Variants in KCNH5 observed in about 807,000 individuals in gnomAD.
KCNH5 encodes the protein voltage-gated delayed rectifier potassium channel KCNH5.
In KCNH5, 46 loss-of-function variants were observed where a neutral mutation model predicts 96.1. That is an observed-to-expected ratio of 0.48 (90% confidence interval 0.38 to 0.61). The LOEUF is 0.61. KCNH5 is among the 20% of genes least tolerant of loss of function. KCNH5 has a pLI of 0.00. For missense variants in KCNH5, 907 were observed against 1,225.8 expected (o/e 0.74, Z 3.88); for synonymous variants, 439 against 449.8 (o/e 0.98, Z 0.30).
chr14:62,713,202 A>G (rs1019092306), intron 10 of KCNH5, among the ~76,000 whole-genome samples: 1 of 152,218 alleles, frequency 6.6e-6, no homozygotes, highest in African/African-American at 2.4e-5. Flanking sequence ...AGGAATGGAA[A>G]ATGTTACAAA....
chr14:62,919,298 A>C (rs939276566), intron 7 of KCNH5, among the ~76,000 whole-genome samples: 33 of 152,148 alleles, frequency 2.2e-4, no homozygotes, highest in African/African-American at 7.7e-4. Flanking sequence ...AGAGAAAATG[A>C]AGCTATTTTC....
At chr14:63,014,558 G>T (rs1439148832) in intron 2 of KCNH5, among the ~76,000 whole-genome samples, 1 of 152,058 alleles carries the variant, frequency 6.6e-6, no homozygotes, top group African/African-American at 2.4e-5. Flanking sequence ...CAGGGATAGG[G>T]CAAATACATG....
chr14:62,798,412 C>A (rs899942287), intron 9 of KCNH5, among the ~76,000 whole-genome samples: 2 of 152,142 alleles, frequency 1.3e-5, no homozygotes, highest in Middle Eastern at 3.2e-3. Flanking sequence ...GAGAAGTAAC[C>A]TGGCTATTTC....
intron 6 of KCNH5, among the ~76,000 whole-genome samples, chr14:62,962,953 C>T (rs1890240292): frequency 6.6e-6 from 1 of 152,126 alleles, no homozygotes; most frequent in South Asian, 2.1e-4. Flanking sequence ...ATGTTCATGG[C>T]TTGATGATCC....
chr14:62,947,080 T>C (rs1463323618), intron 7 of KCNH5, among the ~76,000 whole-genome samples: 1 of 152,194 alleles, frequency 6.6e-6, no homozygotes. Flanking sequence ...GATACTGAGC[T>C]ATAGTTATAT....
intron 3 of KCNH5, among the ~76,000 whole-genome samples, chr14:63,002,592 C>A (rs1361999808): frequency 2.6e-5 from 4 of 151,988 alleles, no homozygotes; most frequent in African/African-American, 9.7e-5. Context: ...TTACTAGCTT[C>A]CATTAAGAAC....
intron 10 of KCNH5, among the ~76,000 whole-genome samples, chr14:62,741,590 C>A (rs1885272447): frequency 6.6e-6 from 1 of 151,968 alleles, no homozygotes; most frequent in South Asian, 2.1e-4. Flanking sequence ...GAGAATCAAC[C>A]CTTATGAGTG....
Position 62,984,573 on chromosome 14 carries a change from T to G in KCNH5, c.549+2499A>C, listed in dbSNP as rs1009679788. Among the ~76,000 whole-genome samples the G allele has an allele frequency of 9.8e-5, 15 of 152,336 alleles. No individual in the cohort carries two copies. In the South Asian group the frequency reaches 2.9e-3, roughly 29 times the overall value. Reference sequence around the variant, plus strand: ...TTATACTTATTTGGTATTTCTTTTATGTCTATCTTTGGAGATCTAAGAGCA... The same window carrying G: ...TTATACTTATTTGGTATTTCTTTTAGGTCTATCTTTGGAGATCTAAGAGCA... On this transcript the variant is annotated intron_variant, in intron 5 of 10. Transcript: ENST00000322893.
intron 10 of KCNH5, among the ~76,000 whole-genome samples, chr14:62,744,944 G>A (rs1885345615): frequency 6.6e-6 from 1 of 152,114 alleles, no homozygotes; most frequent in Non-Finnish European, 1.5e-5. Context: ...GGACTGTCTG[G>A]CATGAGGAGG....
chr14:62,789,648 AAT>A (rs1886391207), intron 9 of KCNH5, among the ~76,000 whole-genome samples: 2 of 151,848 alleles, frequency 1.3e-5, no homozygotes, highest in Admixed American at 1.3e-4. Flanking sequence ...GATATCTCAT[AAT>A]GACTTTAATT....
intron 10 of KCNH5, among the ~76,000 whole-genome samples, chr14:62,715,622 A>G (rs1884667855): frequency 6.6e-6 from 1 of 152,212 alleles, no homozygotes; most frequent in Non-Finnish European, 1.5e-5. Flanking sequence ...ACAATGATGC[A>G]TGATACTCTG....
chr14:62,860,552 T>A (rs1888012980), intron 7 of KCNH5, among the ~76,000 whole-genome samples: 1 of 152,228 alleles, frequency 6.6e-6, no homozygotes, highest in South Asian at 2.1e-4. Flanking sequence ...TCATTTATTA[T>A]GGATCAAACA....
chr14:62,923,257 T>G (rs890676036), intron 7 of KCNH5, among the ~76,000 whole-genome samples: 12 of 151,782 alleles, frequency 7.9e-5, no homozygotes, highest in Non-Finnish European at 1.3e-4. Flanking sequence ...AGTAATAAAT[T>G]TAACTATGGA....
At position 62,872,469 on chromosome 14, in the gene KCNH5, T is replaced by C. The variant is rs895165331; in HGVS notation, c.1370-22617A>G. On this transcript the variant is annotated intron_variant, in intron 7 of 10. Transcript: ENST00000322893. ...ACTTTGGGAGGCTGAGGCGTGCAGA[T>C]CACAAGGTCAGGAGATCAAGACCAT... Among the ~76,000 whole-genome samples, 7 of 152,262 alleles carry C rather than the reference T, an allele frequency of 4.6e-5. 1 individual carries two copies. In the East Asian group the frequency reaches 9.7e-4, roughly 21 times the overall value.
intron 7 of KCNH5, among the ~76,000 whole-genome samples, chr14:62,904,093 T>C (rs1485533969): frequency 6.6e-6 from 1 of 152,166 alleles, no homozygotes; most frequent in African/African-American, 2.4e-5. Flanking sequence ...ACCTGATGCA[T>C]TTGTCACAAA....
Position 62,909,030 on chromosome 14 carries a change from G to GTTTTTTTTTT in KCNH5, c.1369+41102_1369+41103insAAAAAAAAAA, listed in dbSNP as rs1566703759. ...TCAAACATAGAAAACACTATGCTAC[G>GTTTTTTTTTT]TATTTTTTTTTTTTTTTTTTTTTTT... is the stretch of plus-strand genomic sequence containing the variant. On this transcript the variant is annotated intron_variant, in intron 7 of 10. Coordinates refer to ENST00000322893, the MANE Select transcript of KCNH5 (RefSeq NM_139318.5). Among the ~76,000 whole-genome samples the GTTTTTTTTTT allele has an allele frequency of 4.0e-5, 4 of 100,770 alleles. 1 individual carries two copies. Among genetic ancestry groups the GTTTTTTTTTT allele is most frequent in the African/African-American group, 1.2e-4 (3 of 25,016 alleles). 66.1% of individuals were successfully genotyped at this position (100,770 alleles called of 152,430 possible).
intron 10 of KCNH5, among the ~76,000 whole-genome samples, chr14:62,727,120 T>C (rs1399366154): frequency 6.6e-6 from 1 of 152,088 alleles, no homozygotes; most frequent in Non-Finnish European, 1.5e-5. Context: ...ATCCCAGTGC[T>C]TTGGGAGGCT....
chr14:62,840,757 A>T (rs1186684186), intron 8 of KCNH5, among the ~76,000 whole-genome samples: 2 of 150,276 alleles, frequency 1.3e-5, no homozygotes, highest in East Asian at 3.9e-4. Flanking sequence ...TTTAGTAGAG[A>T]CAGGGTTTCA....
rs1237729278 is a variant in KCNH5 at position 63,045,439 on chromosome 14, A to C, written c.-253T>G. The C allele has an allele frequency of 3.8e-6, 2 of 521,658 alleles. No individual in the cohort carries two copies. The highest frequency in any genetic ancestry group is 6.9e-6 in the Non-Finnish European group (2 of 288,620). 32.3% of individuals were successfully genotyped at this position (521,658 alleles called of 1,614,324 possible). ...GCTGCCCAGACTGTGGCGGTGCCGC[A>C]CACGGGGCTCGGGAACTGCAGGCTC... On this transcript the variant is annotated 5_prime_UTR_variant, in exon 1 of 11. Transcript: ENST00000322893.
Sources: allele counts gnomAD v4.1 joint callset (sites outside exome capture counted in the v4.1 genomes callset), GRCh38; gene constraint gnomAD v4.1.1; transcripts MANE v1.5; gene names NCBI Gene and HGNC (gene_info 2026-07-23, HGNC 2026-07-21).